FBN2: variants seen among roughly 807,000 people sequenced by gnomAD.
FBN2 encodes fibrillin-2.
In FBN2, 105 loss-of-function variants were observed where a neutral mutation model predicts 355.6. The observed-to-expected ratio is 0.30, with a 90% confidence interval of 0.25 to 0.35. The LOEUF (loss-of-function observed/expected upper bound fraction) is 0.35. FBN2 is among the 10% of genes least tolerant of loss of function. FBN2 has a pLI of 1.00. For synonymous variants in FBN2, 1,350 were observed against 1,301.2 expected (o/e 1.04, Z -0.81); for missense variants, 3,280 against 3,758.7 (o/e 0.87, Z 3.33).
intron 25 of FBN2, among the ~76,000 whole-genome samples, chr5:128,341,325 C>T (rs774841808): frequency 6.6e-6 from 1 of 152,172 alleles, no homozygotes; most frequent in Non-Finnish European, 1.5e-5. Flanking sequence ...CACAATCCAG[C>T]CCTGCTTGGA....
chr5:128,455,505 A>T (rs1369131643), intron 6 of FBN2, among the ~76,000 whole-genome samples: 2 of 152,182 alleles, frequency 1.3e-5, no homozygotes, highest in Non-Finnish European at 2.9e-5. Flanking sequence ...AGTTTAAAGT[A>T]AAATGTGGGG....
At chr5:128,415,743 C>T (rs944036558) in intron 7 of FBN2, among the ~76,000 whole-genome samples, 14 of 152,102 alleles carry the variant, frequency 9.2e-5, no homozygotes, top group African/African-American at 3.1e-4. Context: ...GATCACATGG[C>T]AGTTTTATTT....
At chr5:128,387,175 G>T (rs936964974) in intron 11 of FBN2, among the ~76,000 whole-genome samples, 1 of 152,034 alleles carries the variant, frequency 6.6e-6, no homozygotes, top group East Asian at 1.9e-4. Flanking sequence ...CTTGGGAGAT[G>T]TTATGTTTCC....
At chr5:128,518,129 G>C (rs890838314) in intron 5 of FBN2, among the ~76,000 whole-genome samples, 1 of 152,048 alleles carries the variant, frequency 6.6e-6, no homozygotes, top group African/African-American at 2.4e-5. Context: ...TCAGGCTTCC[G>C]CTGGCCTAGA....
chr5:128,331,596 T>A (rs1349642943), intron 32 of FBN2, among the ~76,000 whole-genome samples: 2 of 152,188 alleles, frequency 1.3e-5, no homozygotes, highest in Non-Finnish European at 2.9e-5. Flanking sequence ...TTCCTCCTGC[T>A]GCTACGTGGA....
At chr5:128,308,624 A>G (rs1298689154) in intron 41 of FBN2, among the ~76,000 whole-genome samples, 1 of 152,078 alleles carries the variant, frequency 6.6e-6, no homozygotes. Flanking sequence ...TAAGACAAGC[A>G]TTTTTGCTCT....
intron 5 of FBN2, among the ~76,000 whole-genome samples, chr5:128,481,372 G>A (rs1006476306): frequency 1.3e-5 from 2 of 152,184 alleles, no homozygotes; most frequent in African/African-American, 4.8e-5. Context: ...GATATTATCT[G>A]TTTTTCAGAT....
At chr5:128,480,459 A>C (rs1369307417) in intron 5 of FBN2, among the ~76,000 whole-genome samples, 1 of 152,072 alleles carries the variant, frequency 6.6e-6, no homozygotes, top group Non-Finnish European at 1.5e-5. Flanking sequence ...TGGATATAAC[A>C]GGGGAGCTTT....
intron 16 of FBN2, among the ~76,000 whole-genome samples, chr5:128,367,117 A>G (rs921406081): frequency 1.3e-5 from 2 of 152,206 alleles, no homozygotes; most frequent in African/African-American, 4.8e-5. Flanking sequence ...AGCAACTATC[A>G]TAAATAATAT....
At chr5:128,406,184 G>C (rs1041441611) in intron 8 of FBN2, among the ~76,000 whole-genome samples, 1 of 152,190 alleles carries the variant, frequency 6.6e-6, no homozygotes, top group Non-Finnish European at 1.5e-5. Flanking sequence ...AAGATCTCCA[G>C]TGGATGCCTG....
chr5:128,521,801 A>G (rs1756440529), intron 4 of FBN2, among the ~76,000 whole-genome samples: 1 of 152,248 alleles, frequency 6.6e-6, no homozygotes, highest in South Asian at 2.1e-4. Flanking sequence ...TCCAAAACAA[A>G]GTTTCCAATT....
intron 5 of FBN2, among the ~76,000 whole-genome samples, chr5:128,476,842 C>T (rs891827607): frequency 8.5e-5 from 13 of 152,170 alleles, no homozygotes; most frequent in African/African-American, 2.7e-4. Flanking sequence ...GATTCAATAG[C>T]TCCGTGAGGT....
chr5:128,397,992 C>T (rs900569822), intron 8 of FBN2, among the ~76,000 whole-genome samples: 1 of 152,086 alleles, frequency 6.6e-6, no homozygotes, highest in African/African-American at 2.4e-5. Context: ...TTGCCTGTCT[C>T]TACCTTGATG....
intron 19 of FBN2, 141 bp downstream of exon 19, chr5:128,361,582 T>C: frequency 9.4e-7 from 1 of 1,064,206 alleles, no homozygotes; most frequent in Non-Finnish European, 1.4e-6. Context: ...TTTCAAAAAC[T>C]GGCAGATTAG....
chr5:128,408,552 A>G (rs1221344287), intron 8 of FBN2, 122 bp downstream of exon 8: 5 of 1,187,480 alleles, frequency 4.2e-6, no homozygotes, highest in Non-Finnish European at 3.7e-6. Context: ...TACCGTTTAC[A>G]TTAAACAACT....
In FBN2 at chr5:128,338,440, G is replaced by A. The variant is rs27859; in HGVS notation, c.3473-318C>T. 0.79 allele frequency among the ~76,000 whole-genome samples: 120,092 copies of A among 152,096 alleles called. 47,709 individuals carry two copies. The highest frequency in any genetic ancestry group is 0.93 in the East Asian group (4,795 of 5,160). On this transcript the variant is annotated intron_variant, in intron 26 of 64. Transcript: ENST00000262464. The stretch of plus-strand genomic sequence containing the variant: ...ATTGTTGTCAGTTATCCTGGTGTCT[G>A]TAACGCTAATCAGGGTGAAGGAGAA...
intron 45 of FBN2, among the ~76,000 whole-genome samples, chr5:128,303,809 G>A (rs902253852): frequency 3.9e-5 from 6 of 152,070 alleles, no homozygotes; most frequent in African/African-American, 1.2e-4. Context: ...TTCCCCATAC[G>A]AAATTCTGAA....
chr5:128,453,971 G>C (rs1222246842), intron 6 of FBN2, among the ~76,000 whole-genome samples: 1 of 151,654 alleles, frequency 6.6e-6, no homozygotes, highest in African/African-American at 2.4e-5. Flanking sequence ...ACTGGGAGTA[G>C]AATACTCAGA....
chr5:128,536,515 ATAGG>A (rs767923259), intron 1 of FBN2, 31 bp from the exon 2 acceptor site: 1 of 1,540,560 alleles, frequency 6.5e-7, no homozygotes, highest in South Asian at 1.1e-5. Context: ...CACGTAACAG[ATAGG>A]TAGAGGGATG....
Sources: gnomAD v4.1 joint callset for allele counts (sites outside exome capture counted in the v4.1 genomes callset) on GRCh38, gnomAD v4.1.1 for gene constraint, MANE v1.5 for transcripts, NCBI Gene and HGNC (gene_info 2026-07-23, HGNC 2026-07-21) for gene names.